Variants in SLC8A1 observed in about 807,000 individuals in gnomAD.
The protein encoded by SLC8A1 is sodium/calcium exchanger 1.
A neutral mutation model predicts 68.3 loss-of-function variants in SLC8A1; 18 were observed. The observed-to-expected ratio is 0.26, with a 90% CI of 0.18 to 0.39. SLC8A1 has a LOEUF of 0.39. SLC8A1 is among the 10% of genes least tolerant of loss of function. The probability of loss-of-function intolerance (pLI) is 1.00; values close to 1 mark genes in which losing one functional copy is unlikely to be tolerated. For synonymous variants in SLC8A1, 475 were observed against 415.5 expected (o/e 1.14, Z -1.74); for missense variants, 985 against 1,156.7 (o/e 0.85, Z 2.15).
chr2:40,336,082 G>C (rs1377245232), intron 2 of SLC8A1, among the ~76,000 whole-genome samples: 7 of 152,144 alleles, frequency 4.6e-5, no homozygotes, highest in Admixed American at 4.6e-4. Context: ...ACTTAAAAAC[G>C]AAATCCCTGC....
chr2:40,185,750 T>C (rs2050584231), intron 2 of SLC8A1, among the ~76,000 whole-genome samples: 1 of 152,224 alleles, frequency 6.6e-6, no homozygotes, highest in Non-Finnish European at 1.5e-5. Flanking sequence ...AATCCTATGT[T>C]ATGTAAATTA....
intron 2 of SLC8A1, among the ~76,000 whole-genome samples, chr2:40,334,331 T>C (rs920575522): frequency 2.0e-5 from 3 of 152,218 alleles, no homozygotes; most frequent in Non-Finnish European, 4.4e-5. Flanking sequence ...CCCAGTCAAA[T>C]ACTCAACGAT....
At position 40,488,800 on chromosome 2, in the gene SLC8A1, T is replaced by A. The variant is rs573320609; in HGVS notation, c.-25+23549A>T. On this transcript the variant is annotated intron_variant, in intron 1 of 7. Transcript: ENST00000402441. ...CTGAGATTTTTCAGGACTGTGTTTA[T>A]GTCTTATAATTCTTAATATCTTTAT... 2.0e-5 allele frequency among the ~76,000 whole-genome samples: 3 copies of A among 152,260 alleles called. No individual in the cohort carries two copies. The East Asian group carries it at 5.8e-4, about 29-fold the overall frequency.
At chr2:40,266,620 A>T (rs1157785411) in intron 2 of SLC8A1, among the ~76,000 whole-genome samples, 2 of 152,184 alleles carry the variant, frequency 1.3e-5, no homozygotes, top group Non-Finnish European at 2.9e-5. Flanking sequence ...CCAAGGAAAC[A>T]GTTAAGAGAG....
chr2:40,471,529 G>C (rs749268792), intron 1 of SLC8A1, among the ~76,000 whole-genome samples: 4 of 152,082 alleles, frequency 2.6e-5, no homozygotes, highest in Non-Finnish European at 5.9e-5. Context: ...TGATCCTATG[G>C]AGTGAGACAG....
intron 2 of SLC8A1, among the ~76,000 whole-genome samples, chr2:40,398,642 T>C (rs567786708): frequency 2.6e-5 from 4 of 152,258 alleles, no homozygotes; most frequent in African/African-American, 9.6e-5. Context: ...GTCCCTTTTA[T>C]GAAATAAAAT....
chr2:40,124,164 A>G (rs2037545604), intron 7 of SLC8A1, among the ~76,000 whole-genome samples: 1 of 152,196 alleles, frequency 6.6e-6, no homozygotes, highest in Non-Finnish European at 1.5e-5. Flanking sequence ...GAAGAGAAAT[A>G]AAAAGAAAAC....
chr2:40,454,121 G>C (rs1446226833), upstream of SLC8A1, among the ~76,000 whole-genome samples: 1 of 152,148 alleles, frequency 6.6e-6, no homozygotes, highest in African/African-American at 2.4e-5. Flanking sequence ...TAGAGTCCCT[G>C]AATTTAAGGC....
chr2:40,444,361 C>T (rs904797158), intron 1 of SLC8A1, among the ~76,000 whole-genome samples: 1 of 152,066 alleles, frequency 6.6e-6, no homozygotes, highest in South Asian at 2.1e-4. Flanking sequence ...ATTAAAAAGT[C>T]ATCTGTCTCC....
At chr2:40,376,784 T>C (rs1418109154) in intron 2 of SLC8A1, among the ~76,000 whole-genome samples, 1 of 152,086 alleles carries the variant, frequency 6.6e-6, no homozygotes, top group Non-Finnish European at 1.5e-5. Flanking sequence ...ATTCTATATG[T>C]CCTTAATGCA....
At chr2:40,417,099 G>C (rs980799453) in intron 2 of SLC8A1, among the ~76,000 whole-genome samples, 5 of 152,148 alleles carry the variant, frequency 3.3e-5, no homozygotes, top group African/African-American at 1.2e-4. Context: ...AGATTATGCA[G>C]AGTTCTCCTA....
intron 1 of SLC8A1, among the ~76,000 whole-genome samples, chr2:40,432,905 G>A (rs983444214): frequency 2.0e-5 from 3 of 152,078 alleles, no homozygotes; most frequent in Non-Finnish European, 2.9e-5. Flanking sequence ...TACTTGGCAG[G>A]TATACAAAAT....
chr2:40,097,275 A>G (rs1446489203), exon 8 of SLC8A1: 3 of 152,044 alleles, frequency 2.0e-5, no homozygotes, highest in Non-Finnish European at 4.4e-5. Flanking sequence ...ATGAATGGCT[A>G]ATTGACAAAC....
intron 1 of SLC8A1, among the ~76,000 whole-genome samples, chr2:40,474,974 T>C (rs1194139827): frequency 1.3e-5 from 2 of 152,216 alleles, no homozygotes; most frequent in Non-Finnish European, 2.9e-5. Context: ...CTGGTAAAGA[T>C]ATATAACTAA....
chr2:40,503,409 T>A (rs1029133730), intron 1 of SLC8A1, among the ~76,000 whole-genome samples: 6 of 151,992 alleles, frequency 3.9e-5, no homozygotes, highest in African/African-American at 1.4e-4. Context: ...AGTCACACAA[T>A]TACACTGGTG....
intron 1 of SLC8A1, among the ~76,000 whole-genome samples, chr2:40,433,221 C>T (rs1357511694): frequency 2.6e-5 from 4 of 152,108 alleles, no homozygotes; most frequent in Non-Finnish European, 1.5e-5. Flanking sequence ...AGCTCAAACC[C>T]CTCAACAGGC....
At chr2:40,250,671 G>A (rs996229270) in intron 2 of SLC8A1, among the ~76,000 whole-genome samples, 7 of 151,960 alleles carry the variant, frequency 4.6e-5, no homozygotes, top group Admixed American at 1.3e-4. Context: ...AGAAACTTTC[G>A]CCTAACTTTC....
At chr2:40,121,729 A>G (rs986508370) in intron 7 of SLC8A1, among the ~76,000 whole-genome samples, 1 of 152,216 alleles carries the variant, frequency 6.6e-6, no homozygotes, top group African/African-American at 2.4e-5. Flanking sequence ...TTATAATACA[A>G]CAGAGCCAGA....
intron 2 of SLC8A1, among the ~76,000 whole-genome samples, chr2:40,328,573 A>G (rs1276926265): frequency 6.6e-6 from 1 of 152,018 alleles, no homozygotes; most frequent in African/African-American, 2.4e-5. Flanking sequence ...CTCAATTCTC[A>G]TTTTTGTTCG....
Sources: allele counts gnomAD v4.1 joint callset (sites outside exome capture counted in the v4.1 genomes callset), GRCh38; gene constraint gnomAD v4.1.1; transcripts MANE v1.5; gene names NCBI Gene and HGNC (gene_info 2026-07-23, HGNC 2026-07-21).